The following FHIT variants were observed in gnomAD, a reference collection of about 807,000 sequenced individuals.
FHIT encodes fragile histidine triad diadenosine triphosphatase.
In FHIT, 19 loss-of-function variants were observed where a neutral mutation model predicts 17.9. The observed-to-expected ratio is 1.06, with a 90% confidence interval of 0.74 to 1.56. The LOEUF (loss-of-function observed/expected upper bound fraction) is 1.56. FHIT is among the 40% of genes most tolerant of loss of function. FHIT has a pLI of 0.00. For missense variants in FHIT, 248 were observed against 189.2 expected, an observed-to-expected ratio of 1.31 and a Z score of -1.82; for synonymous variants, 81 against 69.7, an observed-to-expected ratio of 1.16 and a Z score of -0.81.
intron 2 of FHIT, among the ~76,000 whole-genome samples, chr3:61,054,486 A>C (rs557854657): frequency 6.6e-6 from 1 of 152,354 alleles, no homozygotes; most frequent in African/African-American, 2.4e-5. Context: ...ATCAGCTAAG[A>C]ATTATCTTTG....
chr3:59,829,390 C>T (rs1469290411), intron 8 of FHIT, among the ~76,000 whole-genome samples: 4 of 152,134 alleles, frequency 2.6e-5, no homozygotes, highest in Admixed American at 2.6e-4. Flanking sequence ...ATCTCTGCAC[C>T]AGCAGTAGGA....
intron 2 of FHIT, among the ~76,000 whole-genome samples, chr3:61,055,999 T>C (rs2034204828): frequency 6.6e-6 from 1 of 152,230 alleles, no homozygotes. Context: ...TTAGTTATTA[T>C]CCTAAAATGC....
chr3:60,274,058 T>G (rs1707000113), intron 5 of FHIT, among the ~76,000 whole-genome samples: 1 of 152,222 alleles, frequency 6.6e-6, no homozygotes, highest in Non-Finnish European at 1.5e-5. Flanking sequence ...TCTTTCTCCT[T>G]AGGGATGTTA....
chr3:60,215,337 G>A (rs1703650061), intron 5 of FHIT, among the ~76,000 whole-genome samples: 1 of 152,008 alleles, frequency 6.6e-6, no homozygotes, highest in Admixed American at 6.6e-5. Flanking sequence ...AAACTAGCTA[G>A]GCATGGTGGT....
chr3:60,460,678 T>A (rs1293522960), intron 5 of FHIT, among the ~76,000 whole-genome samples: 1 of 152,188 alleles, frequency 6.6e-6, no homozygotes, highest in Non-Finnish European at 1.5e-5. Flanking sequence ...CCAAAACATG[T>A]ATCACCCCAC....
intron 7 of FHIT, among the ~76,000 whole-genome samples, chr3:59,939,900 C>T (rs1040625414): frequency 4.6e-5 from 7 of 152,104 alleles, no homozygotes; most frequent in Non-Finnish European, 7.4e-5. Flanking sequence ...GTGTAAAGTG[C>T]GCTCCATGGT....
chr3:61,073,491 G>C (rs1156586441), intron 2 of FHIT, among the ~76,000 whole-genome samples: 1 of 152,156 alleles, frequency 6.6e-6, no homozygotes, highest in African/African-American at 2.4e-5. Context: ...GCTATGCTTA[G>C]ATATTTTAAA....
intron 5 of FHIT, among the ~76,000 whole-genome samples, chr3:60,458,727 A>C (rs1335756170): frequency 6.6e-6 from 1 of 152,150 alleles, no homozygotes; most frequent in Non-Finnish European, 1.5e-5. Flanking sequence ...TACAGGAGTC[A>C]TACATCATTC....
intron 5 of FHIT, among the ~76,000 whole-genome samples, chr3:60,158,904 A>G (rs1304133397): frequency 1.3e-5 from 2 of 152,014 alleles, no homozygotes; most frequent in East Asian, 1.9e-4. Flanking sequence ...GAGATATGCT[A>G]TGGTTCTCTG....
rs528243734 is a variant in FHIT at position 60,369,358 on chromosome 3, T to C, written c.103+167502A>G. On this transcript the variant is annotated intron_variant, in intron 5 of 9. Coordinates refer to ENST00000492590, the MANE Select transcript of FHIT (RefSeq NM_002012.4). ...TTCATCTGTTCTTGAACAGCATCCA[T>C]GTTTTCCTTTAAGTTCTTTAACAAT... 2.1e-4 allele frequency among the ~76,000 whole-genome samples: 32 copies of C among 152,296 alleles called. 1 individual carries two copies. Among genetic ancestry groups the C allele is most frequent in the Admixed American group, 5.9e-4 (9 of 15,294 alleles).
Position 60,164,956 on chromosome 3 carries a change from G to T in FHIT, c.104-150804C>A, listed in dbSNP as rs913617833. Among the ~76,000 whole-genome samples the T allele has an allele frequency of 4.6e-5, 7 of 152,146 alleles. No individual in the cohort carries two copies. The South Asian group carries it at 1.2e-3, about 27-fold the overall frequency. On this transcript the variant is annotated intron_variant, in intron 5 of 9. Coordinates refer to ENST00000492590, the MANE Select transcript of FHIT (RefSeq NM_002012.4). ...ACCCAGTTAGAAACAACCGACTTGT[G>T]TGAAATGCCACAGAGAGTCACAACG... is the stretch of plus-strand genomic sequence containing the variant.
At chr3:60,750,825 C>T (rs1293784358) in intron 4 of FHIT, among the ~76,000 whole-genome samples, 6 of 152,152 alleles carry the variant, frequency 3.9e-5, no homozygotes, top group African/African-American at 1.4e-4. Context: ...CCTCTTATTC[C>T]GGAGTAGTGG....
chr3:60,016,588 C>T (rs138534347), intron 5 of FHIT, among the ~76,000 whole-genome samples: 106 of 152,184 alleles, frequency 7.0e-4, no homozygotes, highest in East Asian at 4.8e-3. Flanking sequence ...TTCTAATGTC[C>T]GCAACTGTCA....
chr3:60,183,674 A>C (rs1424752110), intron 5 of FHIT, among the ~76,000 whole-genome samples: 1 of 152,128 alleles, frequency 6.6e-6, no homozygotes, highest in Non-Finnish European at 1.5e-5. Context: ...AAACTGATTA[A>C]GTGATGCCGA....
intron 7 of FHIT, among the ~76,000 whole-genome samples, chr3:59,937,416 G>C (rs1706295189): frequency 6.6e-6 from 1 of 152,150 alleles, no homozygotes; most frequent in African/African-American, 2.4e-5. Context: ...GTCACTTCAT[G>C]ACATGTCAGC....
chr3:60,796,717 G>C (rs1162480896), intron 4 of FHIT, among the ~76,000 whole-genome samples: 1 of 152,154 alleles, frequency 6.6e-6, no homozygotes, highest in Non-Finnish European at 1.5e-5. Context: ...TCATAGCTGA[G>C]ATTACAGGTG....
intron 5 of FHIT, among the ~76,000 whole-genome samples, chr3:60,195,011 C>T (rs1576289022): frequency 6.6e-6 from 1 of 152,086 alleles, no homozygotes; most frequent in Non-Finnish European, 1.5e-5. Flanking sequence ...ACTAAAAATA[C>T]AAACATTAGC....
At chr3:60,522,523 G>C (rs2035411034) in intron 5 of FHIT, among the ~76,000 whole-genome samples, 1 of 152,146 alleles carries the variant, frequency 6.6e-6, no homozygotes, top group African/African-American at 2.4e-5. Context: ...TGGTAGACTG[G>C]AGTTGCGGGA....
chr3:61,062,843 T>C (rs1013838217), intron 2 of FHIT, among the ~76,000 whole-genome samples: 1 of 152,196 alleles, frequency 6.6e-6, no homozygotes, highest in South Asian at 2.1e-4. Flanking sequence ...TCAAAGGACC[T>C]TCTTCTAGCT....
Sources: allele counts gnomAD v4.1 joint callset (sites outside exome capture counted in the v4.1 genomes callset), GRCh38; gene constraint gnomAD v4.1.1; transcripts MANE v1.5; gene names NCBI Gene and HGNC (gene_info 2026-07-23, HGNC 2026-07-21).